DNAJC13: variants seen among roughly 807,000 people sequenced by gnomAD.
DNAJC13 encodes dnaJ homolog subfamily C member 13.
In DNAJC13, 75 loss-of-function variants were observed where a neutral mutation model predicts 290.5. That is an observed-to-expected ratio of 0.26 (90% CI 0.21 to 0.31). The LOEUF is 0.31. DNAJC13 is among the 10% of genes least tolerant of loss of function. DNAJC13 has a pLI of 1.00. For missense variants in DNAJC13, 2,260 were observed against 2,674.5 expected (o/e 0.85, Z 3.42); for synonymous variants, 862 against 892.0 (o/e 0.97, Z 0.60).
In DNAJC13 at chr3:132,487,498, C is replaced by T. The variant is rs545180867; in HGVS notation, c.3268-800C>T. 6.7e-5 allele frequency among the ~76,000 whole-genome samples: 10 copies of T among 150,062 alleles called. No individual in the cohort carries two copies. In the South Asian group the frequency reaches 8.4e-4, roughly 13 times the overall value. On this transcript the variant is annotated intron_variant, in intron 29 of 55. Transcript: ENST00000260818. The stretch of plus-strand genomic sequence containing the variant: ...GTCTTGAACTCCTGACCTTGTGATC[C>T]GCCCACCTCAGGCCCCCAAAGTGCT...
chr3:132,427,840 G>A (rs190874358), intron 1 of DNAJC13, among the ~76,000 whole-genome samples: 94 of 152,214 alleles, frequency 6.2e-4, no homozygotes, highest in African/African-American at 2.1e-3. Context: ...ATAGCCCTTC[G>A]GGACAGTTAT....
At chr3:132,430,233 A>G (rs1213657913) in intron 1 of DNAJC13, among the ~76,000 whole-genome samples, 1 of 152,076 alleles carries the variant, frequency 6.6e-6, no homozygotes, top group African/African-American at 2.4e-5. Flanking sequence ...TATTTAATTC[A>G]TGTCCCAAAA....
At chr3:132,533,912 T>TA (rs1300827879) in intron 55 of DNAJC13, among the ~76,000 whole-genome samples, 14 of 152,208 alleles carry the variant, frequency 9.2e-5, no homozygotes, top group African/African-American at 3.4e-4. Context: ...CCCATCCACA[T>TA]GCTTTAGTAA....
intron 2 of DNAJC13, 104 bp downstream of exon 2, chr3:132,434,722 GCCCTT>G (rs1939335216): frequency 2.6e-6 from 2 of 775,694 alleles, no homozygotes; most frequent in African/African-American, 3.5e-5. Context: ...AGGCTATACA[GCCCTT>G]CTCTTCTGAA....
chr3:132,427,075 A>G lies in DNAJC13; in HGVS notation c.-13-7463A>G, dbSNP rs550257234. Among the ~76,000 whole-genome samples, 73 of 140,810 alleles carry G rather than the reference A, an allele frequency of 5.2e-4. No homozygotes were observed. In the East Asian group the frequency reaches 8.6e-3, roughly 17 times the overall value. The allele number at this position is 140,810 out of a possible 152,430, so 92.4% of individuals were successfully genotyped here. On this transcript the variant is annotated intron_variant, in intron 1 of 55. Transcript: ENST00000260818. The stretch of plus-strand genomic sequence containing the variant: ...ATTATCTTGGTGTTTATATATACAT[A>G]TGTGTGTGTGTGTGTGTGTGTGTGT...
chr3:132,494,173 C>A lies in DNAJC13; in HGVS notation c.3855C>A (p.Ala1285=), dbSNP rs1490106839. The A allele has an allele frequency of 6.2e-7, 1 of 1,611,692 alleles. No individual in the cohort carries two copies. The highest frequency in any genetic ancestry group is 2.2e-5 in the East Asian group (1 of 44,790). Residue 1285 remains alanine (A), a synonymous_variant, in exon 34 of 56, where the codon GCC becomes GCA. Transcript: ENST00000260818. The stretch of plus-strand genomic sequence containing the variant: ...AGCTTCTAAAAGATACCCTTGATGC[C>A]TGGAAGAAAGAAGTAGAAAAGAAGC... ...PVKLLKDTLD[A]WKKEVEKKPP...
chr3:132,427,133 A>ATATATT (rs1310339480), intron 1 of DNAJC13, among the ~76,000 whole-genome samples: 19 of 122,170 alleles, frequency 1.6e-4, no homozygotes, highest in African/African-American at 4.2e-4. Flanking sequence ...ATATATATAT[A>ATATATT]TTTTTTTTTT....
intron 1 of DNAJC13, among the ~76,000 whole-genome samples, chr3:132,428,808 C>T (rs1041737095): frequency 1.3e-5 from 2 of 152,208 alleles, no homozygotes; most frequent in African/African-American, 4.8e-5. Flanking sequence ...CATCTCGGCT[C>T]ACTGCAACCT....
intron 6 of DNAJC13, among the ~76,000 whole-genome samples, 177 bp downstream of exon 6, chr3:132,451,024 A>C (rs1451449617): frequency 6.6e-6 from 1 of 152,228 alleles, no homozygotes; most frequent in African/African-American, 2.4e-5. Context: ...CTGCTTTCCA[A>C]AATGAGGAGA....
intron 33 of DNAJC13, among the ~76,000 whole-genome samples, chr3:132,493,573 G>A (rs925707480): frequency 6.6e-6 from 1 of 152,042 alleles, no homozygotes; most frequent in African/African-American, 2.4e-5. Flanking sequence ...AGTCTGTAAA[G>A]TACCTAGCTC....
chr3:132,512,865 T>C, intron 44 of DNAJC13, 143 bp from the exon 45 acceptor site: 1 of 671,320 alleles, frequency 1.5e-6, no homozygotes, highest in Non-Finnish European at 2.5e-6. Flanking sequence ...TTAGAGGTCC[T>C]CCACTTACTT....
chr3:132,478,185 G>A, intron 24 of DNAJC13, 45 bp downstream of exon 24: 1 of 1,492,864 alleles, frequency 6.7e-7, no homozygotes, highest in Non-Finnish European at 9.0e-7. Flanking sequence ...AGTGTCACTA[G>A]GGTATGTGTT....
chr3:132,456,521 G>A lies in DNAJC13; in HGVS notation c.1120G>A (p.Val374Ile), dbSNP rs749956472. The A allele has an allele frequency of 2.5e-6, 4 of 1,613,958 alleles. No homozygotes were observed. The highest frequency in any genetic ancestry group is 1.7e-4 in the Middle Eastern group (1 of 6,056). Residue 374 changes from valine (V) to isoleucine (I), a missense_variant, in exon 11 of 56, where the codon GTA becomes ATA. By Grantham distance (29) the Val-to-Ile change is conservative. Coordinates refer to ENST00000260818, the MANE Select transcript of DNAJC13 (RefSeq NM_015268.4). ...TACAGATGGCAACTTTGCAGATGCT[G>A]TATTCAGGTTCAATGCTAATATTTC... ...TPPNGNFADA[V>I]FRFNANISYS...
At chr3:132,450,009 T>A (rs958707507) in intron 5 of DNAJC13, among the ~76,000 whole-genome samples, 4 of 152,206 alleles carry the variant, frequency 2.6e-5, no homozygotes, top group African/African-American at 9.6e-5. Context: ...TTGACTATTC[T>A]AATAATTTCT....
chr3:132,424,747 G>A (rs1042445782), intron 1 of DNAJC13, among the ~76,000 whole-genome samples: 4 of 151,938 alleles, frequency 2.6e-5, no homozygotes, highest in African/African-American at 7.2e-5. Flanking sequence ...TGGAGGTATC[G>A]GGTTCTTCAG....
rs11925382 is a variant in DNAJC13 at position 132,500,710 on chromosome 3, T to C, written c.4417-84T>C. 0.12 allele frequency: 183,482 copies of C among 1,565,354 alleles called. 11,210 individuals carry two copies. Among genetic ancestry groups the C allele is most frequent in the Middle Eastern group, 0.16 (933 of 5,826 alleles). On this transcript the variant is annotated intron_variant, in intron 38 of 55. Transcript: ENST00000260818. The stretch of plus-strand genomic sequence containing the variant: ...ATACCATTAAGCATTATTCACAAAT[T>C]TCTGCTGGTTTGATTTCTATGTGTT...
chr3:132,511,767 A>T (rs1468969795), intron 44 of DNAJC13, among the ~76,000 whole-genome samples: 1 of 152,190 alleles, frequency 6.6e-6, no homozygotes, highest in Non-Finnish European at 1.5e-5. Flanking sequence ...GACTCCAGGG[A>T]GATGGATGAG....
intron 26 of DNAJC13, 69 bp downstream of exon 26, chr3:132,480,539 A>T: frequency 8.5e-7 from 1 of 1,178,844 alleles, no homozygotes; most frequent in Non-Finnish European, 1.2e-6. Context: ...CAAAAGAATC[A>T]TAGAAATCTG....
chr3:132,443,101 C>T (rs1576462733), intron 2 of DNAJC13, among the ~76,000 whole-genome samples: 1 of 152,174 alleles, frequency 6.6e-6, no homozygotes, highest in Non-Finnish European at 1.5e-5. Flanking sequence ...TCCCTGAATC[C>T]GTGGAGTCTT....
Sources: gnomAD v4.1 joint callset for allele counts (sites outside exome capture counted in the v4.1 genomes callset) on GRCh38, gnomAD v4.1.1 for gene constraint, MANE v1.5 for transcripts, NCBI Gene and HGNC (gene_info 2026-07-23, HGNC 2026-07-21) for gene names.